ABCC9: variants seen among roughly 807,000 people sequenced by gnomAD.
The protein encoded by ABCC9 is ATP-binding cassette sub-family C member 9.
A neutral mutation model predicts 188.3 loss-of-function variants in ABCC9; 95 were observed. The observed-to-expected ratio is 0.50, with a 90% CI of 0.43 to 0.60. ABCC9 has a LOEUF of 0.60. Among genes scored for constraint, ABCC9 ranks in the 20% least tolerant of loss-of-function variants. ABCC9 has a pLI of 0.00. For missense variants in ABCC9, 1,102 were observed against 1,876.3 expected (o/e 0.59, Z 7.62); for synonymous variants, 659 against 652.7 (o/e 1.01, Z -0.15).
intron 4 of ABCC9, 147 bp from the exon 5 acceptor site, chr12:21,926,210 G>T: frequency 8.8e-7 from 1 of 1,136,040 alleles, no homozygotes; most frequent in Non-Finnish European, 1.3e-6. Flanking sequence ...AATACATAAG[G>T]GAAGAATATA....
intron 25 of ABCC9, among the ~76,000 whole-genome samples, chr12:21,846,700 C>T (rs1944689028): frequency 6.6e-6 from 1 of 152,116 alleles, no homozygotes; most frequent in Admixed American, 6.6e-5. Flanking sequence ...TCCCCTTTGG[C>T]AGGGGTATGT....
rs727502877 is a variant in ABCC9, at chr12:21,936,628, T to C, written c.47A>G (p.Asn16Ser). 10 of 1,611,142 alleles carry C rather than the reference T, an allele frequency of 6.2e-6. No homozygotes were observed. The Admixed American group carries it at 1.2e-4, about 19-fold the overall frequency. The change falls in exon 3 of 40, where the codon AAC becomes AGC. Residue 16 changes from asparagine to serine, a missense_variant. Transcript: ENST00000261200. ...CGNNISSYNI[N>S]DGVLQNSCFV... ...GCAGGAATTTTGTAGTACACCATCGTTGATATTATATGAAGAAATGTTGTT... is the reference window on the plus strand; with the variant it reads ...GCAGGAATTTTGTAGTACACCATCGCTGATATTATATGAAGAAATGTTGTT...
At chr12:21,849,639 A>C (rs1944861234) in intron 24 of ABCC9, among the ~76,000 whole-genome samples, 2 of 152,180 alleles carry the variant, frequency 1.3e-5, no homozygotes, top group African/African-American at 4.8e-5. Context: ...ACAAACTTTA[A>C]AGCAATTTTT....
chr12:21,911,018 CT>C, intron 8 of ABCC9, 40 bp from the exon 9 acceptor site: 1 of 1,598,958 alleles, frequency 6.3e-7, no homozygotes, highest in Non-Finnish European at 8.6e-7. Context: ...TAAAACTCGT[CT>C]TTTTATAGAC....
chr12:21,897,082 T>G (rs1163715880), intron 12 of ABCC9, among the ~76,000 whole-genome samples: 22 of 152,326 alleles, frequency 1.4e-4, no homozygotes, highest in Non-Finnish European at 1.5e-5. Context: ...CACCAGCATC[T>G]GTTGTTTCTT....
At chr12:21,801,632 T>G (rs1406150665) in intron 39 of ABCC9, among the ~76,000 whole-genome samples, 1 of 152,190 alleles carries the variant, frequency 6.6e-6, no homozygotes, top group Admixed American at 6.5e-5. Flanking sequence ...GATGACAATA[T>G]GGGGAAGTCC....
At chr12:21,920,092 A>G (rs1455970201) in intron 5 of ABCC9, among the ~76,000 whole-genome samples, 1 of 152,076 alleles carries the variant, frequency 6.6e-6, no homozygotes, top group Non-Finnish European at 1.5e-5. Context: ...AAAACTTACT[A>G]GGCAAATAAA....
chr12:21,813,338 CT>C (rs1433770574), intron 35 of ABCC9, among the ~76,000 whole-genome samples: 3 of 152,098 alleles, frequency 2.0e-5, no homozygotes, highest in Non-Finnish European at 4.4e-5. Context: ...CCATATTGCC[CT>C]GTGAGATAAG....
rs756557011 is a variant in ABCC9 at position 21,814,618 on chromosome 12, CTT to C, written c.4102+24_4102+25del. 6.2e-6 allele frequency: 10 copies of C among 1,601,816 alleles called. No individual in the cohort carries two copies. The South Asian group carries it at 1.1e-4, about 18-fold the overall frequency. The stretch of plus-strand genomic sequence containing the variant: ...TTTAAAGGAAAGCACCAAGTGGCCA[CTT>C]AAAAAATTTAGTTAGCAACTCACCA... On this transcript the variant is annotated intron_variant, in intron 35 of 39. Transcript: ENST00000261200.
At chr12:21,915,215 T>TTATATA (rs557990317) in intron 7 of ABCC9, among the ~76,000 whole-genome samples, 6 of 134,656 alleles carry the variant, frequency 4.5e-5, no homozygotes, top group Non-Finnish European at 7.8e-5. Context: ...CTTTGTGTCT[T>TTATATA]TATATATATA....
At chr12:21,812,857 A>G (rs1339433922) in intron 35 of ABCC9, among the ~76,000 whole-genome samples, 1 of 152,166 alleles carries the variant, frequency 6.6e-6, no homozygotes, top group East Asian at 1.9e-4. Context: ...ATAAAAAAAA[A>G]TCTTGTGTCT....
intron 31 of ABCC9, chr12:21,828,293 T>C (rs1943510332): frequency 6.5e-6 from 1 of 154,814 alleles, no homozygotes; most frequent in African/African-American, 2.4e-5. Context: ...GCAGGTACAA[T>C]TCATTATTCA....
intron 10 of ABCC9, among the ~76,000 whole-genome samples, chr12:21,908,953 A>G (rs1948182185): frequency 6.6e-6 from 1 of 151,846 alleles, no homozygotes; most frequent in Admixed American, 6.6e-5. Flanking sequence ...ATGGCTCAAA[A>G]CATCAATTAA....
intron 34 of ABCC9, 68 bp from the exon 35 acceptor site, chr12:21,814,790 G>T: frequency 7.8e-7 from 1 of 1,282,780 alleles, no homozygotes; most frequent in Non-Finnish European, 1.1e-6. Flanking sequence ...CTTAAGTTTT[G>T]TTTTTTAACT....
At chr12:21,937,878 A>C (rs1281625857) in intron 2 of ABCC9, 1 of 152,192 alleles carries the variant, frequency 6.6e-6, no homozygotes, top group Admixed American at 6.6e-5. Context: ...CTTTTTAAAG[A>C]AGCTATCGTA....
chr12:21,928,932 C>T (rs74067888), intron 4 of ABCC9, among the ~76,000 whole-genome samples: 2,308 of 152,056 alleles, frequency 0.015, 34 homozygotes, highest in Middle Eastern at 0.058. Flanking sequence ...TTGGTAGGAG[C>T]GCTTATGTCC....
intron 30 of ABCC9, 82 bp downstream of exon 30, chr12:21,837,996 A>G (rs970787686): frequency 8.7e-7 from 1 of 1,146,504 alleles, no homozygotes; most frequent in Non-Finnish European, 1.3e-6. Flanking sequence ...ACAAAATGAA[A>G]GCAATGATCA....
intron 7 of ABCC9, among the ~76,000 whole-genome samples, chr12:21,914,705 T>C (rs1040136622): frequency 6.6e-6 from 1 of 152,146 alleles, no homozygotes; most frequent in African/African-American, 2.4e-5. Flanking sequence ...TACTTTCCAC[T>C]TGGTGACATG....
At chr12:21,888,457 T>A (rs1946989093) in intron 14 of ABCC9, among the ~76,000 whole-genome samples, 1 of 152,108 alleles carries the variant, frequency 6.6e-6, no homozygotes, top group Admixed American at 6.6e-5. Flanking sequence ...GATTCACATT[T>A]TCTGAACCTG....
Sources: allele counts gnomAD v4.1 joint callset (sites outside exome capture counted in the v4.1 genomes callset), GRCh38; gene constraint gnomAD v4.1.1; transcripts MANE v1.5; gene names NCBI Gene and HGNC (gene_info 2026-07-23, HGNC 2026-07-21).